PPP1R3B: variants seen among roughly 807,000 people sequenced by gnomAD.
PPP1R3B encodes protein phosphatase 1 regulatory subunit 3B.
Under a neutral mutation model 14.6 loss-of-function variants are expected in PPP1R3B, and 8 were observed. That is an observed-to-expected ratio of 0.55 (90% confidence interval 0.32 to 0.99). PPP1R3B has a LOEUF of 0.99. Among genes scored for constraint, PPP1R3B ranks in the 50% least tolerant of loss-of-function variants. PPP1R3B has a pLI of 0.04. For missense variants in PPP1R3B, 452 were observed against 360.1 expected (o/e 1.26, Z -2.07); for synonymous variants, 169 against 142.0 (o/e 1.19, Z -1.35).
intron 1 of PPP1R3B, among the ~76,000 whole-genome samples, chr8:9,144,781 T>C (rs1801186160): frequency 6.6e-6 from 1 of 152,248 alleles, no homozygotes. Flanking sequence ...GTTTCACTCG[T>C]GTCACCCAGG....
At chr8:9,145,012 C>A (rs2117611850) in intron 1 of PPP1R3B, among the ~76,000 whole-genome samples, 1 of 152,224 alleles carries the variant, frequency 6.6e-6, no homozygotes, top group South Asian at 2.1e-4. Flanking sequence ...TCCCAAAGTG[C>A]TGGGATTGCA....
Position 9,138,511 on chromosome 8 carries a change from A to G in PPP1R3B, c.*2283T>C, listed in dbSNP as rs1800966749. Reference sequence around the variant, plus strand: ...AAAACAAAACCAAAACAAAACAACAACAAAAACAACCTAACCCAACCACAA... The same window carrying G: ...AAAACAAAACCAAAACAAAACAACAGCAAAAACAACCTAACCCAACCACAA... On this transcript the variant is annotated 3_prime_UTR_variant, in exon 2 of 2. Coordinates refer to ENST00000310455, the MANE Select transcript of PPP1R3B (RefSeq NM_024607.4). The G allele has an allele frequency of 6.6e-6, 1 of 152,244 alleles. No individual in the cohort carries two copies. The highest frequency in any genetic ancestry group is 2.1e-4 in the South Asian group (1 of 4,830). The allele number at this position is 152,244 out of a possible 1,614,324, so 9.4% of individuals were successfully genotyped here. A position where few individuals can be genotyped will look rare whatever the true frequency, so the allele number is the denominator to read the frequency against.
rs1457038795 is a variant in PPP1R3B at position 9,137,763 on chromosome 8, G to A, written c.*3031C>T. The A allele has an allele frequency of 6.6e-6, 1 of 152,264 alleles. No homozygotes were observed. Among genetic ancestry groups the A allele is most frequent in the Non-Finnish European group, 1.5e-5 (1 of 68,110 alleles). 9.4% of individuals were successfully genotyped at this position (152,264 alleles called of 1,614,324 possible). A position where few individuals can be genotyped will look rare whatever the true frequency, so the allele number is the denominator to read the frequency against. On this transcript the variant is annotated 3_prime_UTR_variant, in exon 2 of 2. Coordinates refer to ENST00000310455, the MANE Select transcript of PPP1R3B (RefSeq NM_024607.4). ...CAGGCAAGTAGAGTCTTTTATTGGA[G>A]AAGAAGGGTCTTTGCGAGCAGGTGA...
At position 9,141,657 on chromosome 8, in the gene PPP1R3B, T is replaced by G. The variant is rs771265101; in HGVS notation, c.-6A>C. 2.5e-6 allele frequency: 4 copies of G among 1,612,704 alleles called. No homozygotes were observed. The Admixed American group carries it at 6.7e-5, about 27-fold the overall frequency. On this transcript the variant is annotated 5_prime_UTR_variant, in exon 2 of 2. Transcript: ENST00000310455. ...TCGATGTCCACAGCCATCATGGGGC[T>G]AGATGAACAGGCTAGAACCGTGGAA... is the stretch of plus-strand genomic sequence containing the variant.
rs1374376978 is a variant in PPP1R3B at position 9,150,572 on chromosome 8, C to G, written c.-27G>C. 6.5e-6 allele frequency: 1 copy of G among 152,906 alleles called. No homozygotes were observed. Among genetic ancestry groups the G allele is most frequent in the East Asian group, 1.9e-4 (1 of 5,186 alleles). 9.5% of individuals were successfully genotyped at this position (152,906 alleles called of 1,614,324 possible). A position where few individuals can be genotyped will look rare whatever the true frequency, so the allele number is the denominator to read the frequency against. On this transcript the variant is annotated 5_prime_UTR_variant, in exon 1 of 2. Transcript: ENST00000310455. Reference sequence around the variant, plus strand: ...CTCGCGCCGCACCCACCTTTTGGGCCGCGGAGAAGCCCCCTCCCCAGCTCG... The same window carrying G: ...CTCGCGCCGCACCCACCTTTTGGGCGGCGGAGAAGCCCCCTCCCCAGCTCG...
In PPP1R3B at chr8:9,137,874, G is replaced by C. The variant is rs1366086495; in HGVS notation, c.*2920C>G. On this transcript the variant is annotated 3_prime_UTR_variant, in exon 2 of 2. Coordinates refer to ENST00000310455, the MANE Select transcript of PPP1R3B (RefSeq NM_024607.4). ...GCATCCAGCACCCCCAGCAAAAAAA[G>C]CCAGGGTGAGCTGGGAGAAAGACGG... 6.6e-6 allele frequency: 1 copy of C among 152,200 alleles called. No individual in the cohort carries two copies. Among genetic ancestry groups the C allele is most frequent in the Non-Finnish European group, 1.5e-5 (1 of 68,050 alleles). 9.4% of individuals were successfully genotyped at this position (152,200 alleles called of 1,614,324 possible).
rs559481124 is a variant in PPP1R3B at position 9,139,973 on chromosome 8, T to A, written c.*821A>T. The A allele has an allele frequency of 8.5e-5, 13 of 152,266 alleles. No individual in the cohort carries two copies. Among genetic ancestry groups the A allele is most frequent in the Admixed American group, 7.8e-4 (12 of 15,298 alleles). The allele number at this position is 152,266 out of a possible 1,614,324, so 9.4% of individuals were successfully genotyped here. On this transcript the variant is annotated 3_prime_UTR_variant, in exon 2 of 2. Transcript: ENST00000310455. ...ATGTGGGGACTTAGAAAGCTCCCCC[T>A]AGAAGGCAAAAGTAGAAGCTGAAAG...
At chr8:9,142,439 A>G (rs1801119081) in intron 1 of PPP1R3B, 1 of 152,210 alleles carries the variant, frequency 6.6e-6, no homozygotes. Context: ...ATGGTGTACA[A>G]CAGGTTTCCA....
rs1464259904 is a variant in PPP1R3B, at chr8:9,136,763, G to C, written c.*4031C>G. ...TCCGATTTCAGTGAACATGTCAGGA[G>C]AGACGTGATCGGGACTCTCCCAGGA... On this transcript the variant is annotated 3_prime_UTR_variant, in exon 2 of 2. Transcript: ENST00000310455. The C allele has an allele frequency of 1.3e-5, 2 of 152,226 alleles. No homozygotes were observed. Among genetic ancestry groups the C allele is most frequent in the Non-Finnish European group, 2.9e-5 (2 of 68,034 alleles). The allele number at this position is 152,226 out of a possible 1,614,324, so 9.4% of individuals were successfully genotyped here. A position where few individuals can be genotyped will look rare whatever the true frequency, so the allele number is the denominator to read the frequency against.
At chr8:9,145,982 G>A (rs1309060223) in intron 1 of PPP1R3B, among the ~76,000 whole-genome samples, 3 of 151,992 alleles carry the variant, frequency 2.0e-5, no homozygotes, top group East Asian at 1.9e-4. Context: ...CAATCCTCCC[G>A]CCTCAGCCTC....
chr8:9,149,937 T>C (rs1801368034), intron 1 of PPP1R3B, among the ~76,000 whole-genome samples: 1 of 152,256 alleles, frequency 6.6e-6, no homozygotes, highest in Non-Finnish European at 1.5e-5. Context: ...CTTGCTTTGC[T>C]ACTTGAGCGA....
chr8:9,136,729 C>A lies in PPP1R3B; in HGVS notation c.*4065G>T, dbSNP rs1322783284. 1 of 152,206 alleles carries A rather than the reference C, an allele frequency of 6.6e-6. No individual in the cohort carries two copies. The highest frequency in any genetic ancestry group is 2.1e-4 in the South Asian group (1 of 4,834). 9.4% of individuals were successfully genotyped at this position (152,206 alleles called of 1,614,324 possible). On this transcript the variant is annotated 3_prime_UTR_variant, in exon 2 of 2. Coordinates refer to ENST00000310455, the MANE Select transcript of PPP1R3B (RefSeq NM_024607.4). ...CTATAAGATCCCATCATCCATGTAA[C>A]TTCTTGTCTCCGATTTCAGTGAACA...
At chr8:9,142,895 T>C (rs898180572) in intron 1 of PPP1R3B, among the ~76,000 whole-genome samples, 1 of 152,250 alleles carries the variant, frequency 6.6e-6, no homozygotes, top group African/African-American at 2.4e-5. Flanking sequence ...ATGTTTTCTT[T>C]ATTCACTCAT....
chr8:9,149,667 C>A (rs1385344141), intron 1 of PPP1R3B, among the ~76,000 whole-genome samples: 1 of 152,198 alleles, frequency 6.6e-6, no homozygotes, highest in Non-Finnish European at 1.5e-5. Context: ...ATTCTGTGTT[C>A]CCTTCCAAAA....
At chr8:9,148,266 C>T (rs1018638383) in intron 1 of PPP1R3B, among the ~76,000 whole-genome samples, 3 of 152,166 alleles carry the variant, frequency 2.0e-5, no homozygotes, top group Non-Finnish European at 2.9e-5. Flanking sequence ...TGAAAATGAT[C>T]GGTTCCAACA....
chr8:9,144,154 GA>G (rs1274137042), intron 1 of PPP1R3B, among the ~76,000 whole-genome samples: 1 of 149,320 alleles, frequency 6.7e-6, no homozygotes, highest in Non-Finnish European at 1.5e-5. Context: ...ATTGAATTAG[GA>G]AAAAAATTGA....
intron 1 of PPP1R3B, among the ~76,000 whole-genome samples, chr8:9,149,992 C>T (rs557810021): frequency 2.0e-5 from 3 of 152,372 alleles, no homozygotes; most frequent in South Asian, 4.1e-4. Flanking sequence ...AAGGTCCCTG[C>T]TGGCCCTGAC....
intron 1 of PPP1R3B, among the ~76,000 whole-genome samples, chr8:9,142,814 C>A (rs1377888099): frequency 6.6e-6 from 1 of 152,178 alleles, no homozygotes; most frequent in African/African-American, 2.4e-5. Flanking sequence ...CCAGGTTCAT[C>A]CCCGTTGGCA....
chr8:9,146,765 T>C (rs1801252753), intron 1 of PPP1R3B, among the ~76,000 whole-genome samples: 2 of 152,178 alleles, frequency 1.3e-5, no homozygotes, highest in East Asian at 1.9e-4. Context: ...TCTGTTCTTA[T>C]AGCCACGTAA....
Sources: allele counts gnomAD v4.1 joint callset (sites outside exome capture counted in the v4.1 genomes callset), GRCh38; gene constraint gnomAD v4.1.1; transcripts MANE v1.5; gene names NCBI Gene and HGNC (gene_info 2026-07-23, HGNC 2026-07-21).